The following BCAS3 variants were observed in gnomAD, a reference collection of about 807,000 sequenced individuals.
BCAS3 encodes the protein BCAS3 microtubule associated cell migration factor.
BCAS3 carries 53 observed loss-of-function variants against 116.1 expected under a neutral mutation model. That is an observed-to-expected ratio of 0.46 (90% confidence interval 0.37 to 0.57). BCAS3 has a LOEUF of 0.57. Ranked by LOEUF, BCAS3 falls within the 20% of genes least tolerant of loss-of-function variation. BCAS3 has a pLI of 0.00. For missense variants in BCAS3, 917 were observed against 1,165.4 expected, an observed-to-expected ratio of 0.79 and a Z score of 3.10; for synonymous variants, 391 against 408.2, an observed-to-expected ratio of 0.96 and a Z score of 0.51.
At chr17:61,121,671 A>T (rs1325628543) in intron 22 of BCAS3, among the ~76,000 whole-genome samples, 4 of 152,246 alleles carry the variant, frequency 2.6e-5, no homozygotes, top group African/African-American at 9.6e-5. Context: ...TCTTCTTTAA[A>T]GTTTTTCCAA....
intron 14 of BCAS3, among the ~76,000 whole-genome samples, chr17:60,988,390 A>G (rs2063318964): frequency 7.8e-6 from 1 of 128,500 alleles, no homozygotes; most frequent in African/African-American, 2.8e-5. Context: ...GTTTCAGAGT[A>G]ATAAAAGCAT....
rs545196538 is a variant in BCAS3 at position 60,833,356 on chromosome 17, T to G, written c.476+25280T>G. On this transcript the variant is annotated intron_variant, in intron 7 of 23. Transcript: ENST00000407086. Reference sequence around the variant, plus strand: ...ATGTTTTTATGTTGGCAAAAATTTATTTTGGCAGTCTTTTAGTTGGATGTC... The same window carrying G: ...ATGTTTTTATGTTGGCAAAAATTTAGTTTGGCAGTCTTTTAGTTGGATGTC... Among the ~76,000 whole-genome samples the G allele has an allele frequency of 5.3e-5, 8 of 152,334 alleles. No homozygotes were observed. In the South Asian group the frequency reaches 1.7e-3, roughly 32 times the overall value.
chr17:60,973,585 T>A (rs866654547), intron 14 of BCAS3, among the ~76,000 whole-genome samples: 35 of 127,172 alleles, frequency 2.8e-4, no homozygotes, highest in African/African-American at 1.4e-3. Flanking sequence ...ACCTTATTAT[T>A]AATATATATA....
intron 22 of BCAS3, among the ~76,000 whole-genome samples, chr17:61,153,715 AT>A (rs113729378): frequency 6.6e-6 from 1 of 151,550 alleles, no homozygotes; most frequent in South Asian, 2.1e-4. Flanking sequence ...ATCATGTATC[AT>A]TTTTTTTCTT....
At chr17:61,173,227 G>A (rs2078956280) in intron 22 of BCAS3, among the ~76,000 whole-genome samples, 1 of 152,098 alleles carries the variant, frequency 6.6e-6, no homozygotes, top group Admixed American at 6.5e-5. Flanking sequence ...AAGGCGGGAG[G>A]ATCAGTTGAA....
chr17:61,317,174 T>A (rs1244243969), intron 22 of BCAS3, among the ~76,000 whole-genome samples: 1 of 152,238 alleles, frequency 6.6e-6, no homozygotes. Flanking sequence ...GCCCTAGGTA[T>A]TTGATCAATT....
intron 22 of BCAS3, among the ~76,000 whole-genome samples, chr17:61,273,233 C>T (rs1016066130): frequency 6.6e-6 from 1 of 151,960 alleles, no homozygotes; most frequent in African/African-American, 2.4e-5. Flanking sequence ...CTCAGTCCCC[C>T]AAGTAGCTGG....
rs1033809314 is a variant in BCAS3 at position 61,258,224 on chromosome 17, C to T, written c.2426-110103C>T. Among the ~76,000 whole-genome samples, 13 of 152,192 alleles carry T rather than the reference C, an allele frequency of 8.5e-5. No individual in the cohort carries two copies. The highest frequency in any genetic ancestry group is 1.6e-4 in the Non-Finnish European group (11 of 68,042). On this transcript the variant is annotated intron_variant, in intron 22 of 23. Coordinates refer to ENST00000407086, the MANE Select transcript of BCAS3 (RefSeq NM_017679.5). This position sits in a 1 kb window ranked among gnomAD's most constrained non-coding sequence, Gnocchi z 4.7. ...ATCTTTGTCTTTAATAGTCATTGCC[C>T]TCTTATGGGACTTACCATGTTTCGC...
rs1393561771 is a variant in BCAS3 at position 61,243,958 on chromosome 17, T to TAAG, written c.2426-124368_2426-124366dup. 6.6e-6 allele frequency among the ~76,000 whole-genome samples: 1 copy of TAAG among 152,044 alleles called. No individual in the cohort carries two copies. Among genetic ancestry groups the TAAG allele is most frequent in the Non-Finnish European group, 1.5e-5 (1 of 68,010 alleles). On this transcript the variant is annotated intron_variant, in intron 22 of 23. Coordinates refer to ENST00000407086, the MANE Select transcript of BCAS3 (RefSeq NM_017679.5). The surrounding 1 kb of genome is among the most constrained non-coding windows in gnomAD (Gnocchi z 5.6). ...GCACTACCACAACCTGCTAATTTTT[T>TAAG]AAGTTTTTTTTTTCAAGAGACAGAG... is the stretch of plus-strand genomic sequence containing the variant.
intron 7 of BCAS3, among the ~76,000 whole-genome samples, chr17:60,826,421 C>T (rs931152354): frequency 6.6e-6 from 1 of 152,132 alleles, no homozygotes; most frequent in Admixed American, 6.5e-5. Flanking sequence ...GTGATTCTCT[C>T]GTGTCGGCCT....
intron 13 of BCAS3, among the ~76,000 whole-genome samples, chr17:60,944,052 C>G (rs1265843509): frequency 6.6e-6 from 1 of 151,912 alleles, no homozygotes; most frequent in African/African-American, 2.4e-5. Context: ...AAACAATAAT[C>G]TAAGCTGCTC....
intron 22 of BCAS3, among the ~76,000 whole-genome samples, chr17:61,250,952 C>T (rs897463366): frequency 6.6e-6 from 1 of 152,198 alleles, no homozygotes; most frequent in East Asian, 1.9e-4. Flanking sequence ...TTCACATGAG[C>T]GGGAGGTCTT....
chr17:61,357,234 C>T (rs1369136281), intron 22 of BCAS3, among the ~76,000 whole-genome samples: 1 of 148,044 alleles, frequency 6.8e-6, no homozygotes, highest in Non-Finnish European at 1.5e-5. Context: ...AACAAGACTC[C>T]ATATCTACAA....
Position 61,361,193 on chromosome 17 carries a change from T to C in BCAS3, c.2426-7134T>C. Among the ~76,000 whole-genome samples the C allele has an allele frequency of 7.2e-6, 1 of 138,276 alleles. No homozygotes were observed. The highest frequency in any genetic ancestry group is 2.1e-4 in the East Asian group (1 of 4,790). The allele number at this position is 138,276 out of a possible 152,430, so 90.7% of individuals were successfully genotyped here. A position where few individuals can be genotyped will look rare whatever the true frequency, so the allele number is the denominator to read the frequency against. On this transcript the variant is annotated intron_variant, in intron 22 of 23. Coordinates refer to ENST00000407086, the MANE Select transcript of BCAS3 (RefSeq NM_017679.5). This position sits in a 1 kb window ranked among gnomAD's most constrained non-coding sequence, Gnocchi z 6.5. The stretch of plus-strand genomic sequence containing the variant: ...GATTCTGCTGAGAGAGAAAAAGAAT[T>C]AAAAAAAAAAAAAGAAAAGACCCAG...
intron 19 of BCAS3, among the ~76,000 whole-genome samples, chr17:61,058,411 G>T (rs2069614704): frequency 6.6e-6 from 1 of 152,172 alleles, no homozygotes; most frequent in Admixed American, 6.5e-5. Context: ...TATATGATGT[G>T]AAATCTGGTC....
At chr17:60,733,284 A>T (rs550702949) in intron 5 of BCAS3, among the ~76,000 whole-genome samples, 2 of 152,216 alleles carry the variant, frequency 1.3e-5, no homozygotes, top group African/African-American at 4.8e-5. Context: ...TTGATTTGTA[A>T]AATTTGTAAC....
chr17:60,850,374 T>TTTTTTTTTGG (rs2053002955), intron 7 of BCAS3, among the ~76,000 whole-genome samples: 1 of 135,734 alleles, frequency 7.4e-6, no homozygotes, highest in African/African-American at 3.1e-5. Flanking sequence ...TTTTTTTTTT[T>TTTTTTTTTGG]GAGATGGAGT....
rs375783451 is a variant in BCAS3, at chr17:61,370,545, C to T, written c.2593+2051C>T. ...CTATGATTACAGGCGCCCGCTACCA[C>T]GCCCAGCTAATTTTTGCGTTTATGA... On this transcript the variant is annotated intron_variant, in intron 23 of 23. Transcript: ENST00000407086. 7.9e-5 allele frequency among the ~76,000 whole-genome samples: 12 copies of T among 152,256 alleles called. No individual in the cohort carries two copies. In the East Asian group the frequency reaches 1.2e-3, roughly 15 times the overall value.
Position 61,233,994 on chromosome 17 carries a change from A to G in BCAS3, c.2426-134333A>G, listed in dbSNP as rs1275059871. Among the ~76,000 whole-genome samples the G allele has an allele frequency of 6.7e-6, 1 of 148,454 alleles. No individual in the cohort carries two copies. Among genetic ancestry groups the G allele is most frequent in the Non-Finnish European group, 1.5e-5 (1 of 67,252 alleles). On this transcript the variant is annotated intron_variant, in intron 22 of 23. Coordinates refer to ENST00000407086, the MANE Select transcript of BCAS3 (RefSeq NM_017679.5). The surrounding 1 kb of genome is among the most constrained non-coding windows in gnomAD (Gnocchi z 4.3). ...ATCAGGTTTGGTTTTTTTTTTTTTC[A>G]CTTAGTACCCACATCATGGAGCAAA... is the stretch of plus-strand genomic sequence containing the variant.
Sources: allele counts gnomAD v4.1 joint callset (sites outside exome capture counted in the v4.1 genomes callset), GRCh38; gene constraint gnomAD v4.1.1; non-coding constraint Gnocchi (gnomAD v3.1); transcripts MANE v1.5; gene names NCBI Gene and HGNC (gene_info 2026-07-23, HGNC 2026-07-21).